VWA8: variants seen among roughly 807,000 people sequenced by gnomAD.
The protein encoded by VWA8 is von Willebrand factor A domain containing 8, also known as von Willebrand factor A domain-containing protein 8.
In VWA8, 221 loss-of-function variants were observed where a neutral mutation model predicts 241.5. The ratio of observed to expected loss-of-function variants is 0.91; its 90% CI spans 0.82 to 1.02. The LOEUF is 1.02. Among genes scored for constraint, VWA8 ranks in the 50% least tolerant of loss-of-function variants. The pLI, the probability that VWA8 is intolerant of heterozygous loss-of-function variation, is 0.00. For synonymous variants in VWA8, 852 were observed against 827.1 expected, an observed-to-expected ratio of 1.03 and a Z score of -0.52; for missense variants, 2,322 against 2,328.7, an observed-to-expected ratio of 1.00 and a Z score of 0.06.
At chr13:41,893,296 G>GT (rs1227068576) in intron 4 of VWA8, among the ~76,000 whole-genome samples, 5 of 152,026 alleles carry the variant, frequency 3.3e-5, no homozygotes, top group Admixed American at 2.6e-4. Flanking sequence ...TTTATTTCAA[G>GT]TGTCTACATA....
intron 19 of VWA8, 110 bp from the exon 20 acceptor site, chr13:41,778,166 T>C (rs1001546878): frequency 2.4e-5 from 15 of 631,376 alleles, no homozygotes; most frequent in Admixed American, 4.1e-5. Context: ...TAATAAACAA[T>C]TATCAATCGA....
intron 19 of VWA8, among the ~76,000 whole-genome samples, chr13:41,779,794 G>A (rs1400326995): frequency 2.6e-5 from 4 of 152,062 alleles, no homozygotes. Context: ...TGTAAATATC[G>A]AAAAATAATC....
At chr13:41,772,390 A>G (rs2045830792) in intron 20 of VWA8, among the ~76,000 whole-genome samples, 1 of 152,198 alleles carries the variant, frequency 6.6e-6, no homozygotes, top group African/African-American at 2.4e-5. Context: ...CACTGGTTAG[A>G]AAATAAATAG....
At chr13:41,830,296 A>G (rs1338532087) in intron 14 of VWA8, among the ~76,000 whole-genome samples, 2 of 151,222 alleles carry the variant, frequency 1.3e-5, no homozygotes, top group Admixed American at 6.6e-5. Context: ...CAAATAAAAC[A>G]GTTGATTAGG....
intron 21 of VWA8, among the ~76,000 whole-genome samples, chr13:41,735,358 G>A (rs2045516701): frequency 6.6e-6 from 1 of 152,152 alleles, no homozygotes; most frequent in South Asian, 2.1e-4. Flanking sequence ...AGAAAATGAA[G>A]TTGCTCTGTA....
chr13:41,826,150 T>A (rs187435222), intron 14 of VWA8, among the ~76,000 whole-genome samples: 2,004 of 152,132 alleles, frequency 0.013, 23 homozygotes, highest in Middle Eastern at 0.051. Context: ...GGTAAAAAAA[T>A]TTACCAACAA....
intron 39 of VWA8, among the ~76,000 whole-genome samples, chr13:41,606,222 G>T (rs2044553035): frequency 6.6e-6 from 1 of 152,038 alleles, no homozygotes; most frequent in Non-Finnish European, 1.5e-5. Context: ...TACTCCTTTA[G>T]GTAAGGGCTG....
At position 41,817,979 on chromosome 13, in the gene VWA8, T is replaced by C. The variant is rs528784292; in HGVS notation, c.1870-1204A>G. The stretch of plus-strand genomic sequence containing the variant: ...CTGAGAAGCGGAATTTTTTTTTTTT[T>C]CGAGACGGAGTCTCACTCTGTCACT... On this transcript the variant is annotated intron_variant, in intron 15 of 44. Coordinates refer to ENST00000379310, the MANE Select transcript of VWA8 (RefSeq NM_015058.2). Among the ~76,000 whole-genome samples, 8 of 152,012 alleles carry C rather than the reference T, an allele frequency of 5.3e-5. 1 individual carries two copies. Among genetic ancestry groups the C allele is most frequent in the East Asian group, 1.9e-4 (1 of 5,136 alleles).
intron 12 of VWA8, among the ~76,000 whole-genome samples, chr13:41,840,600 C>G (rs889524685): frequency 6.6e-6 from 1 of 151,694 alleles, no homozygotes; most frequent in Non-Finnish European, 1.5e-5. Context: ...GCTACAAAAA[C>G]TACAAAAAAT....
chr13:41,709,455 T>G (rs886623563), intron 26 of VWA8, among the ~76,000 whole-genome samples: 1 of 152,214 alleles, frequency 6.6e-6, no homozygotes, highest in African/African-American at 2.4e-5. Flanking sequence ...AAAGGAGTCT[T>G]TTTAAATTAG....
At chr13:41,750,754 A>C (rs1406890583) in intron 21 of VWA8, among the ~76,000 whole-genome samples, 1 of 152,238 alleles carries the variant, frequency 6.6e-6, no homozygotes, top group Non-Finnish European at 1.5e-5. Flanking sequence ...AGACTTCATC[A>C]GATGAGGAAT....
chr13:41,871,009 C>T (rs1368267001), intron 9 of VWA8, among the ~76,000 whole-genome samples: 1 of 152,100 alleles, frequency 6.6e-6, no homozygotes, highest in Non-Finnish European at 1.5e-5. Flanking sequence ...TCTCTATCTC[C>T]AACTCCATCA....
chr13:41,576,635 C>CAGTT (rs1322086338), intron 42 of VWA8, among the ~76,000 whole-genome samples: 2 of 152,306 alleles, frequency 1.3e-5, no homozygotes, highest in East Asian at 1.9e-4. Context: ...GAAGACCTAA[C>CAGTT]AGTTATCCCC....
chr13:41,572,164 C>T (rs1042724481), intron 43 of VWA8, among the ~76,000 whole-genome samples: 74 of 151,328 alleles, frequency 4.9e-4, no homozygotes, highest in African/African-American at 1.7e-3. Context: ...CCGCCCCGTC[C>T]GGGAGGGAGG....
At chr13:41,712,938 T>C (rs2045327582) in intron 26 of VWA8, among the ~76,000 whole-genome samples, 1 of 152,230 alleles carries the variant, frequency 6.6e-6, no homozygotes, top group South Asian at 2.1e-4. Flanking sequence ...TTTTGCTGCT[T>C]TAAAAATGTG....
intron 15 of VWA8, 56 bp from the exon 16 acceptor site, chr13:41,816,831 A>G: frequency 7.7e-7 from 1 of 1,292,920 alleles, no homozygotes; most frequent in Non-Finnish European, 1.1e-6. Context: ...ATATCTGATC[A>G]ATCAATCAGA....
At chr13:41,862,821 C>G (rs539683375) in intron 12 of VWA8, among the ~76,000 whole-genome samples, 1 of 152,272 alleles carries the variant, frequency 6.6e-6, no homozygotes, top group Non-Finnish European at 1.5e-5. Flanking sequence ...TTACACAATG[C>G]TGGCAGCTAT....
At chr13:41,717,023 TA>T (rs1001139390) in intron 26 of VWA8, among the ~76,000 whole-genome samples, 1 of 151,996 alleles carries the variant, frequency 6.6e-6, no homozygotes, top group Non-Finnish European at 1.5e-5. Flanking sequence ...TAGTATCACA[TA>T]TTTTTATGTT....
intron 37 of VWA8, among the ~76,000 whole-genome samples, chr13:41,628,916 C>G (rs1432537233): frequency 2.0e-5 from 3 of 152,104 alleles, no homozygotes; most frequent in Admixed American, 6.5e-5. Context: ...TGGTGTGCGC[C>G]TGTAGTCCCA....
Sources: gnomAD v4.1 joint callset for allele counts (sites outside exome capture counted in the v4.1 genomes callset) on GRCh38, gnomAD v4.1.1 for gene constraint, MANE v1.5 for transcripts, NCBI Gene and HGNC (gene_info 2026-07-23, HGNC 2026-07-21) for gene names.